The following PARD3B variants were observed in gnomAD, a reference collection of about 807,000 sequenced individuals.
PARD3B encodes partitioning defective 3 homolog B.
Under a neutral mutation model 130.2 loss-of-function variants are expected in PARD3B, and 103 were observed. The observed-to-expected ratio is 0.79, with a 90% CI of 0.67 to 0.93. PARD3B has a LOEUF of 0.93. Among genes scored for constraint, PARD3B ranks in the 40% least tolerant of loss-of-function variants. PARD3B has a pLI of 0.00. For synonymous variants in PARD3B, 583 were observed against 553.2 expected (o/e 1.05, Z -0.76); for missense variants, 1,609 against 1,499.2 (o/e 1.07, Z -1.21).
At chr2:204,879,282 C>T (rs1288153256) in intron 2 of PARD3B, among the ~76,000 whole-genome samples, 1 of 152,130 alleles carries the variant, frequency 6.6e-6, no homozygotes, top group African/African-American at 2.4e-5. Flanking sequence ...GACAGGCAAC[C>T]CACAAAGTGT....
intron 22 of PARD3B, among the ~76,000 whole-genome samples, chr2:205,593,968 G>A (rs557323510): frequency 6.6e-6 from 1 of 152,288 alleles, no homozygotes; most frequent in East Asian, 1.9e-4. Flanking sequence ...GAGAAGAAAA[G>A]CACATATTAC....
intron 15 of PARD3B, among the ~76,000 whole-genome samples, chr2:205,212,840 T>A (rs1239400821): frequency 6.6e-6 from 1 of 152,156 alleles, no homozygotes; most frequent in Non-Finnish European, 1.5e-5. Context: ...TATTTAAGCT[T>A]CAGTGCCTAT....
At chr2:205,210,853 CT>C (rs2037591407) in intron 15 of PARD3B, among the ~76,000 whole-genome samples, 2 of 152,006 alleles carry the variant, frequency 1.3e-5, no homozygotes, top group South Asian at 4.1e-4. Flanking sequence ...TGAGCATTTC[CT>C]TTATAAGGCT....
intron 2 of PARD3B, among the ~76,000 whole-genome samples, chr2:204,825,066 A>C (rs2043516548): frequency 6.6e-6 from 1 of 152,200 alleles, no homozygotes; most frequent in Non-Finnish European, 1.5e-5. Flanking sequence ...TGGGGCAAAA[A>C]ATTAGAGAAG....
chr2:205,354,751 G>T (rs546812498), intron 18 of PARD3B, among the ~76,000 whole-genome samples: 1 of 152,122 alleles, frequency 6.6e-6, no homozygotes, highest in Non-Finnish European at 1.5e-5. Flanking sequence ...TTAGAACTGC[G>T]CAGGGATCTT....
chr2:204,602,340 T>A (rs1303789004), intron 1 of PARD3B, among the ~76,000 whole-genome samples: 1 of 152,062 alleles, frequency 6.6e-6, no homozygotes, highest in African/African-American at 2.4e-5. Flanking sequence ...TTTGACCGTC[T>A]TTTAATTTTC....
chr2:204,717,827 TG>T (rs2038804121), intron 2 of PARD3B, among the ~76,000 whole-genome samples: 2 of 152,118 alleles, frequency 1.3e-5, no homozygotes, highest in Admixed American at 1.3e-4. Context: ...AGCACAGATG[TG>T]GCTGCTTGTC....
At chr2:205,083,040 CT>C (rs1423278065) in intron 4 of PARD3B, among the ~76,000 whole-genome samples, 1 of 151,826 alleles carries the variant, frequency 6.6e-6, no homozygotes, top group Non-Finnish European at 1.5e-5. Context: ...CTGCCTCAGC[CT>C]CCCAAGTTGC....
chr2:205,235,632 G>C (rs924825982), intron 15 of PARD3B, among the ~76,000 whole-genome samples: 5 of 152,154 alleles, frequency 3.3e-5, no homozygotes, highest in African/African-American at 1.2e-4. Context: ...TGCGGCTACT[G>C]TGCACAAAGG....
At chr2:205,361,709 G>C (rs2044395308) in intron 18 of PARD3B, among the ~76,000 whole-genome samples, 1 of 152,154 alleles carries the variant, frequency 6.6e-6, no homozygotes, top group African/African-American at 2.4e-5. Flanking sequence ...TCCGAGTTTA[G>C]GAAGCAATTT....
At chr2:205,578,290 G>A (rs752940713) in intron 22 of PARD3B, among the ~76,000 whole-genome samples, 12 of 152,130 alleles carry the variant, frequency 7.9e-5, no homozygotes, top group Admixed American at 6.5e-4. Flanking sequence ...GGTAACTAGA[G>A]TTTCATTAAT....
intron 4 of PARD3B, among the ~76,000 whole-genome samples, chr2:205,066,072 C>A (rs181640020): frequency 1.3e-4 from 20 of 152,284 alleles, no homozygotes; most frequent in Non-Finnish European, 2.4e-4. Context: ...ATTTAGGACA[C>A]AGACTCTCTC....
chr2:205,065,269 A>G (rs990457836), intron 4 of PARD3B, among the ~76,000 whole-genome samples: 1 of 152,186 alleles, frequency 6.6e-6, no homozygotes, highest in Non-Finnish European at 1.5e-5. Context: ...ATTAATAAAC[A>G]CTGGAGTTGT....
chr2:204,694,221 C>T (rs996742846), intron 2 of PARD3B, among the ~76,000 whole-genome samples: 2 of 151,990 alleles, frequency 1.3e-5, no homozygotes, highest in Non-Finnish European at 2.9e-5. Flanking sequence ...TGTATTTTAT[C>T]CCAGTCAACA....
intron 21 of PARD3B, among the ~76,000 whole-genome samples, chr2:205,523,111 A>G (rs537049811): frequency 6.6e-6 from 1 of 151,480 alleles, no homozygotes; most frequent in South Asian, 2.1e-4. Flanking sequence ...ACTCATTTCT[A>G]TCTGTTATGA....
Position 204,976,117 on chromosome 2 carries a change from G to C in PARD3B, c.394+10794G>C, listed in dbSNP as rs540178307. On this transcript the variant is annotated intron_variant, in intron 3 of 22. Coordinates refer to ENST00000406610, the MANE Select transcript of PARD3B (RefSeq NM_001302769.2). ...TCTAATTCGTCTCTTGTTAAAATTA[G>C]GCTTTTATCTTAGTACCCAAAATAT... is the stretch of plus-strand genomic sequence containing the variant. 9.2e-5 allele frequency among the ~76,000 whole-genome samples: 14 copies of C among 152,200 alleles called. No homozygotes were observed. The East Asian group carries it at 2.7e-3, about 29-fold the overall frequency.
intron 1 of PARD3B, among the ~76,000 whole-genome samples, chr2:204,627,092 C>G (rs2034513411): frequency 6.6e-6 from 1 of 152,172 alleles, no homozygotes; most frequent in Non-Finnish European, 1.5e-5. Context: ...GTCGTCTTCT[C>G]TCTTTCCTGC....
intron 2 of PARD3B, among the ~76,000 whole-genome samples, chr2:204,785,386 A>G (rs970092169): frequency 2.0e-5 from 3 of 152,212 alleles, no homozygotes; most frequent in African/African-American, 7.2e-5. Context: ...CATCAGCTGA[A>G]TTATGTGCCA....
At chr2:204,818,807 A>G (rs1373574463) in intron 2 of PARD3B, among the ~76,000 whole-genome samples, 2 of 152,208 alleles carry the variant, frequency 1.3e-5, no homozygotes, top group Admixed American at 1.3e-4. Context: ...TCTCCTATTG[A>G]CAATATCTTG....
Sources: allele counts gnomAD v4.1 joint callset (sites outside exome capture counted in the v4.1 genomes callset), GRCh38; gene constraint gnomAD v4.1.1; transcripts MANE v1.5; gene names NCBI Gene and HGNC (gene_info 2026-07-23, HGNC 2026-07-21).